NUP210L: variants seen among roughly 807,000 people sequenced by gnomAD.
The protein encoded by NUP210L is nucleoporin 210 like, also known as nuclear pore membrane glycoprotein 210-like.
Under a neutral mutation model 208.5 loss-of-function variants are expected in NUP210L, and 74 were observed. That is an observed-to-expected ratio of 0.35 (90% CI 0.29 to 0.43). NUP210L has a LOEUF of 0.43. Ranked by LOEUF, NUP210L falls within the 20% of genes least tolerant of loss-of-function variation. The pLI, the probability that NUP210L is intolerant of heterozygous loss-of-function variation, is 1.00. For synonymous variants in NUP210L, 780 were observed against 816.9 expected (o/e 0.95, Z 0.77); for missense variants, 1,843 against 2,289.4 (o/e 0.81, Z 3.98).
intron 32 of NUP210L, 50 bp from the exon 33 acceptor site, chr1:154,019,119 A>G: frequency 6.3e-7 from 1 of 1,590,382 alleles, no homozygotes; most frequent in Non-Finnish European, 8.6e-7. Flanking sequence ...GATATAAATC[A>G]CTCTGGACTT....
exon 16 of NUP210L, chr1:154,089,432 T>G (rs1655789612): frequency 6.2e-7 from 1 of 1,614,010 alleles, no homozygotes; most frequent in Admixed American, 1.7e-5. Flanking sequence ...AGCCATTTGT[T>G]GTGCTGTGGC....
chr1:154,028,465 T>C (rs1652027143), intron 28 of NUP210L, among the ~76,000 whole-genome samples: 1 of 152,006 alleles, frequency 6.6e-6, no homozygotes, highest in African/African-American at 2.4e-5. Context: ...CGCATGCCTG[T>C]AATCTCAGGT....
At chr1:154,043,307 A>G (rs1304989871) in intron 27 of NUP210L, among the ~76,000 whole-genome samples, 2 of 150,328 alleles carry the variant, frequency 1.3e-5, no homozygotes, top group Non-Finnish European at 2.9e-5. Context: ...GGCGTGAGCC[A>G]CTGCACTCCG....
At chr1:154,071,934 C>A (rs146599520) in intron 16 of NUP210L, among the ~76,000 whole-genome samples, 1 of 151,968 alleles carries the variant, frequency 6.6e-6, no homozygotes, top group East Asian at 1.9e-4. Context: ...CCACGTCTGG[C>A]CCTAATTCAT....
At chr1:154,062,608 T>TGA (rs1227703669) in intron 17 of NUP210L, among the ~76,000 whole-genome samples, 7 of 127,580 alleles carry the variant, frequency 5.5e-5, no homozygotes, top group Middle Eastern at 4.2e-3. Context: ...TGTGTGTGTG[T>TGA]GACAGGGTCT....
At chr1:154,089,687 G>A in intron 15 of NUP210L, 93 bp from the exon 16 acceptor site, 1 of 990,600 alleles carries the variant, frequency 1.0e-6, no homozygotes, top group East Asian at 2.4e-5. Context: ...TCAAATTCCA[G>A]TATAGAGAGT....
At chr1:154,023,565 C>T (rs1027638818) in intron 30 of NUP210L, among the ~76,000 whole-genome samples, 1 of 151,932 alleles carries the variant, frequency 6.6e-6, no homozygotes, top group African/African-American at 2.4e-5. Context: ...GCAACCTCTG[C>T]CTCCTGCATT....
At chr1:154,140,666 C>CAAA (rs1434093544) in intron 4 of NUP210L, among the ~76,000 whole-genome samples, 13 of 102,462 alleles carry the variant, frequency 1.3e-4, no homozygotes, top group South Asian at 3.0e-4. Flanking sequence ...GACTCCATCT[C>CAAA]AAAAAAAAAA....
chr1:154,037,914 C>T (rs895806882), intron 27 of NUP210L, among the ~76,000 whole-genome samples: 3 of 152,096 alleles, frequency 2.0e-5, no homozygotes, highest in Admixed American at 1.3e-4. Context: ...CCACCATGCC[C>T]AGCCACTCTA....
intron 16 of NUP210L, among the ~76,000 whole-genome samples, chr1:154,074,770 T>TA (rs1347401679): frequency 1.3e-5 from 2 of 152,220 alleles, no homozygotes; most frequent in East Asian, 3.8e-4. Flanking sequence ...ATTACAGGCG[T>TA]AAGCCACCGC....
Position 153,993,009 on chromosome 1 carries a change from T to C in NUP210L, c.5566+6A>G. On this transcript the variant is annotated splice_donor_region_variant and intron_variant, in intron 39 of 39. Transcript: ENST00000368559. ...TTTTCAAAGATGAGGACAGAGGCTT[T>C]TTTACCTGGCTGTGGTGTTCCTAGA... is the stretch of plus-strand genomic sequence containing the variant. 6.2e-7 allele frequency: 1 copy of C among 1,613,046 alleles called. No individual in the cohort carries two copies. Among genetic ancestry groups the C allele is most frequent in the South Asian group, 1.1e-5 (1 of 90,922 alleles).
chr1:154,027,080 C>CAAAAAAAAAAAAAAAAAAAA (rs59626984), intron 29 of NUP210L, among the ~76,000 whole-genome samples: 4 of 101,738 alleles, frequency 3.9e-5, no homozygotes, highest in African/African-American at 8.6e-5. Context: ...GAGACTGTCT[C>CAAAAAAAAAAAAAAAAAAAA]AAAAAAAAAA....
chr1:154,117,626 T>A, intron 12 of NUP210L, 99 bp downstream of exon 12: 1 of 913,064 alleles, frequency 1.1e-6, no homozygotes, highest in Non-Finnish European at 1.6e-6. Flanking sequence ...GTAATATTTT[T>A]AAATAGCCAT....
intron 25 of NUP210L, among the ~76,000 whole-genome samples, chr1:154,053,033 T>C (rs1653613973): frequency 1.3e-5 from 2 of 152,222 alleles, no homozygotes; most frequent in Non-Finnish European, 2.9e-5. Context: ...GGGCTAAACA[T>C]AAGGATTTGT....
chr1:153,995,664 T>G, intron 37 of NUP210L: 1 of 1,324,666 alleles, frequency 7.5e-7, no homozygotes. Context: ...AACGTAGGCT[T>G]TCCTACAATA....
At chr1:154,060,451 A>G (rs1654075564) in intron 20 of NUP210L, 89 bp downstream of exon 20, 2 of 768,890 alleles carry the variant, frequency 2.6e-6, no homozygotes, top group Non-Finnish European at 4.3e-6. Context: ...TTCTGTAACA[A>G]GTTTTAGACA....
chr1:154,076,685 A>C (rs1655056914), intron 16 of NUP210L, among the ~76,000 whole-genome samples: 1 of 152,150 alleles, frequency 6.6e-6, no homozygotes, highest in Non-Finnish European at 1.5e-5. Context: ...ATAAAAAGAA[A>C]AAAGAATGAA....
chr1:154,084,655 T>A (rs1655531299), intron 16 of NUP210L, among the ~76,000 whole-genome samples: 1 of 151,864 alleles, frequency 6.6e-6, no homozygotes, highest in Admixed American at 6.6e-5. Flanking sequence ...GTATTTTTGG[T>A]AGAGATGGGG....
intron 25 of NUP210L, among the ~76,000 whole-genome samples, chr1:154,051,811 C>T (rs1026968456): frequency 1.3e-5 from 2 of 152,250 alleles, no homozygotes; most frequent in African/African-American, 4.8e-5. Flanking sequence ...CTCTGTTAAA[C>T]ATCACCTTTT....
Sources: allele counts gnomAD v4.1 joint callset (sites outside exome capture counted in the v4.1 genomes callset), GRCh38; gene constraint gnomAD v4.1.1; transcripts MANE v1.5; gene names NCBI Gene and HGNC (gene_info 2026-07-23, HGNC 2026-07-21).